PABPC1: variants seen among roughly 807,000 people sequenced by gnomAD.
PABPC1 encodes the protein polyadenylate-binding protein 1.
A neutral mutation model predicts 74.0 loss-of-function variants in PABPC1; 4 were observed. The ratio of observed to expected loss-of-function variants is 0.05; its 90% CI spans 0.03 to 0.12. The LOEUF is 0.12. Ranked by LOEUF, PABPC1 falls within the 10% of genes least tolerant of loss-of-function variation. The pLI, the probability that PABPC1 is intolerant of heterozygous loss-of-function variation, is 1.00. For synonymous variants in PABPC1, 227 were observed against 264.1 expected, an observed-to-expected ratio of 0.86 and a Z score of 1.36; for missense variants, 271 against 821.1, an observed-to-expected ratio of 0.33 and a Z score of 8.19.
chr8:100,709,021 C>T (rs1428857986), intron 9 of PABPC1, 112 bp downstream of exon 9: 7 of 859,344 alleles, frequency 8.1e-6, no homozygotes, highest in Non-Finnish European at 1.3e-5. Context: ...TCCATAACCA[C>T]AAATTATGTG....
intron 3 of PABPC1, among the ~76,000 whole-genome samples, chr8:100,716,441 G>A (rs1170741683): frequency 6.6e-6 from 1 of 152,064 alleles, no homozygotes; most frequent in Admixed American, 6.6e-5. Context: ...AAAAAAGGTA[G>A]CACATGTGTC....
chr8:100,710,905 T>G (rs1398085583), intron 7 of PABPC1, among the ~76,000 whole-genome samples: 1 of 152,088 alleles, frequency 6.6e-6, no homozygotes, highest in Non-Finnish European at 1.5e-5. Context: ...GAAAACTGCT[T>G]GAACCCAGGG....
intron 7 of PABPC1, 122 bp from the exon 8 acceptor site, chr8:100,709,853 CATCTT>C (rs1452412539): frequency 8.8e-7 from 1 of 1,134,548 alleles, no homozygotes; most frequent in African/African-American, 1.6e-5. Flanking sequence ...AATGCTTAAT[CATCTT>C]GTATTTACCC....
chr8:100,715,482 T>C lies in PABPC1; in HGVS notation c.623A>G (p.Lys208Arg). The change falls in exon 4 of 15, where the codon AAG becomes AGG. Residue 208 changes from lysine (K) to arginine (R), a missense_variant. Physicochemically the swap from Lys to Arg is conservative, Grantham distance 26. Around this residue, in one of 7 missense-constraint regions of PABPC1, gnomAD observed 78 missense variants for 202.8 expected, o/e 0.38. Coordinates refer to ENST00000318607, the MANE Select transcript of PABPC1 (RefSeq NM_002568.4). Reference sequence around the variant, plus strand: ...ATTACCAAACTTGCCAAAGAGATCCTTAAGGCGCTCATCATCCATGTCTTC... The same window carrying C: ...ATTACCAAACTTGCCAAAGAGATCCCTAAGGCGCTCATCATCCATGTCTTC... Reference protein sequence around the residue: ...FGEDMDDERLKDLFGKFGPAL... With the variant: ...FGEDMDDERLRDLFGKFGPAL... The C allele has an allele frequency of 1.2e-6, 2 of 1,611,882 alleles. No homozygotes were observed. Among genetic ancestry groups the C allele is most frequent in the Non-Finnish European group, 1.7e-6 (2 of 1,178,644 alleles).
chr8:100,712,620 G>T, intron 6 of PABPC1, 32 bp downstream of exon 6: 1 of 1,592,308 alleles, frequency 6.3e-7, no homozygotes, highest in Non-Finnish European at 8.5e-7. Flanking sequence ...CCTCATCCCT[G>T]TCTTATTTTG....
intron 7 of PABPC1, chr8:100,709,953 C>T (rs888338554): frequency 4.2e-6 from 2 of 471,076 alleles, no homozygotes; most frequent in African/African-American, 3.8e-5. Context: ...AGAGAACTGA[C>T]AGAAGTGAAG....
chr8:100,705,946 C>G (rs1040992773), intron 11 of PABPC1, among the ~76,000 whole-genome samples: 6 of 152,240 alleles, frequency 3.9e-5, no homozygotes, highest in African/African-American at 1.4e-4. Flanking sequence ...CCTCCGGATT[C>G]AAGCAACTTT....
intron 9 of PABPC1, among the ~76,000 whole-genome samples, chr8:100,708,070 CTAATGAT>C (rs2129687770): frequency 1.3e-5 from 2 of 152,338 alleles, no homozygotes; most frequent in African/African-American, 4.8e-5. Context: ...TTGCTACAAA[CTAATGAT>C]TAATGATATT....
In PABPC1 at chr8:100,705,616, G is replaced by C; in HGVS notation, c.1660C>G (p.Pro554Ala). The part of the protein sequence containing the change: ...PLTASMLASA[P>A]PQEQKQMLGE... ...AACATTTGCTTTTGCTCTTGAGGAG[G>C]GGCAGATGCCAACATGGAAGCAGTC... Residue 554 changes from proline (P) to alanine (A), a missense_variant, in exon 12 of 15, where the codon CCT (proline) becomes GCT (alanine). Coordinates refer to ENST00000318607, the MANE Select transcript of PABPC1 (RefSeq NM_002568.4). 1 of 1,613,742 alleles carries C rather than the reference G, an allele frequency of 6.2e-7. No homozygotes were observed. Among genetic ancestry groups the C allele is most frequent in the Non-Finnish European group, 8.5e-7 (1 of 1,179,664 alleles).
chr8:100,717,527 T>C (rs998775716), intron 3 of PABPC1, among the ~76,000 whole-genome samples: 14 of 152,250 alleles, frequency 9.2e-5, no homozygotes, highest in Admixed American at 3.9e-4. Context: ...GTTAATTATA[T>C]TAAACCTGTT....
At chr8:100,712,266 T>A (rs1587156169) in intron 7 of PABPC1, 96 bp downstream of exon 7, 1 of 687,900 alleles carries the variant, frequency 1.5e-6, no homozygotes, top group East Asian at 2.6e-5. Flanking sequence ...AGCAAACACC[T>A]CTCTAGTGGC....
chr8:100,705,517 T>C, intron 12 of PABPC1, 72 bp downstream of exon 12: 2 of 888,558 alleles, frequency 2.3e-6, no homozygotes, highest in Non-Finnish European at 3.7e-6. Flanking sequence ...GTCAATTGAT[T>C]GACCTAGTGC....
intron 4 of PABPC1, 91 bp from the exon 5 acceptor site, chr8:100,713,272 T>A (rs1810577164): frequency 1.4e-6 from 1 of 718,812 alleles, no homozygotes; most frequent in Admixed American, 3.6e-5. Context: ...ATGAAAAAAA[T>A]TTCAAAGCTC....
chr8:100,705,802 G>A (rs909901805), intron 11 of PABPC1, 129 bp from the exon 12 acceptor site: 22 of 666,456 alleles, frequency 3.3e-5, no homozygotes, highest in African/African-American at 1.3e-4. Flanking sequence ...TTGAGTGAGC[G>A]AATTAGAAAG....
At chr8:100,704,851 C>A (rs1446926927) in intron 13 of PABPC1, 75 bp downstream of exon 13, 12 of 1,416,494 alleles carry the variant, frequency 8.5e-6, no homozygotes, top group Non-Finnish European at 1.2e-5. Context: ...TGTAAGTGTT[C>A]TGTACAATTA....
chr8:100,709,907 G>A, intron 7 of PABPC1, 176 bp from the exon 8 acceptor site: 1 of 674,602 alleles, frequency 1.5e-6, no homozygotes, highest in Non-Finnish European at 2.4e-6. Flanking sequence ...CAATTATTAA[G>A]GGCAAACTAC....
At chr8:100,718,390 G>T in intron 1 of PABPC1, 110 bp from the exon 2 acceptor site, 1 of 804,804 alleles carries the variant, frequency 1.2e-6, no homozygotes, top group Non-Finnish European at 2.0e-6. Context: ...TCTCACAGTT[G>T]AACGCTTCCT....
Position 100,705,039 on chromosome 8 carries a change from G to C in PABPC1, c.1705C>G (p.Leu569Val). The change falls in exon 13 of 15, where the codon CTT (leucine) becomes GTT (valine). Residue 569 changes from leucine to valine, a missense_variant. Leu to Val is a conservative substitution (Grantham distance 32, BLOSUM62 1). This residue lies in a region of PABPC1 where 103 missense variants were observed against 245.3 expected (regional missense o/e 0.42). Coordinates refer to ENST00000318607, the MANE Select transcript of PABPC1 (RefSeq NM_002568.4). Reference sequence around the variant, plus strand: ...AGAGTAGGGTGCATGGCTTGAATAAGAGGAAACAGCCGTTCACCTAGGAAC... The same window carrying C: ...AGAGTAGGGTGCATGGCTTGAATAACAGGAAACAGCCGTTCACCTAGGAAC... ...KQMLGERLFP[L>V]IQAMHPTLAG... 6.3e-7 allele frequency: 1 copy of C among 1,599,480 alleles called. No individual in the cohort carries two copies. The highest frequency in any genetic ancestry group is 8.5e-7 in the Non-Finnish European group (1 of 1,170,644).
At chr8:100,712,059 C>T (rs1417402710) in intron 7 of PABPC1, among the ~76,000 whole-genome samples, 1 of 152,218 alleles carries the variant, frequency 6.6e-6, no homozygotes, top group Admixed American at 6.5e-5. Flanking sequence ...AATGAATAAA[C>T]AGATCAGAAC....
Sources: allele counts gnomAD v4.1 joint callset (sites outside exome capture counted in the v4.1 genomes callset), GRCh38; gene constraint gnomAD v4.1.1; regional missense constraint gnomAD v4.1.1; transcripts MANE v1.5; gene names NCBI Gene and HGNC (gene_info 2026-07-23, HGNC 2026-07-21).